FAM209A: variants seen among roughly 807,000 people sequenced by gnomAD.
FAM209A encodes the protein protein FAM209A.
In FAM209A, 4 loss-of-function variants were observed where a neutral mutation model predicts 9.8. The ratio of observed to expected loss-of-function variants is 0.41; its 90% CI spans 0.20 to 0.94. FAM209A has a LOEUF of 0.94. Ranked by LOEUF, FAM209A falls within the 40% of genes least tolerant of loss-of-function variation. The pLI is 0.32. For synonymous variants in FAM209A, 55 were observed against 77.8 expected, an observed-to-expected ratio of 0.71 and a Z score of 1.54; for missense variants, 205 against 209.4, an observed-to-expected ratio of 0.98 and a Z score of 0.13.
the FAM209A span, among the ~76,000 whole-genome samples, chr20:56,532,552 C>T: frequency 9.2e-5 from 13 of 140,618 alleles, no homozygotes; most frequent in South Asian, 1.6e-3. Context: ...GGCGTGATCT[C>T]GGCTCATCAC....
chr20:56,525,966 G>A lies in FAM209A; in HGVS notation c.412G>A (p.Ala138Thr). The change falls in exon 2 of 2, where the codon GCA becomes ACA. Residue 138 changes from alanine (A) to threonine (T), a missense_variant. Transcript: ENST00000371328. ...AGTGCGGAATCTTAAACGTGCCATG[G>A]CAACAGGTAGTGGCAGTAACCTCAG... ...SKVRNLKRAM[A>T]TGSGSNLRLR... The A allele has an allele frequency of 1.2e-6, 2 of 1,614,182 alleles. No homozygotes were observed. The highest frequency in any genetic ancestry group is 1.7e-6 in the Non-Finnish European group (2 of 1,180,040).
rs1054354 is a variant in FAM209A, at chr20:56,525,939, A to G, written c.385A>G (p.Lys129Glu). 1 of 1,614,210 alleles carries G rather than the reference A, an allele frequency of 6.2e-7. No homozygotes were observed. The highest frequency in any genetic ancestry group is 2.2e-5 in the East Asian group (1 of 44,888). ...GGTGGAGCTTATGAAATTTGTGTCC[A>G]AAGTGCGGAATCTTAAACGTGCCAT... ...LEVELMKFVS[K>E]VRNLKRAMAT... The change falls in exon 2 of 2, where the codon AAA (lysine) becomes GAA (glutamate). Residue 129 changes from lysine (K) to glutamate (E), a missense_variant. By Grantham distance (56) the Lys-to-Glu change is moderately conservative. Transcript: ENST00000371328.
downstream of FAM209A, among the ~76,000 whole-genome samples, chr20:56,528,859 C>T (rs1402504128): frequency 1.3e-5 from 2 of 152,086 alleles, no homozygotes; most frequent in South Asian, 2.1e-4. Flanking sequence ...AATTTTTGGC[C>T]CAATCACATT....
At chr20:56,525,130 T>G (rs1985465080) in intron 1 of FAM209A, 73 bp downstream of exon 1, 1 of 1,586,762 alleles carries the variant, frequency 6.3e-7, no homozygotes, top group Non-Finnish European at 8.6e-7. Context: ...GATGTTCTAG[T>G]GAGTCTAGAC....
intron 1 of FAM209A, among the ~76,000 whole-genome samples, 196 bp downstream of exon 1, chr20:56,525,253 CAA>C (rs1033502048): frequency 5.9e-5 from 9 of 152,224 alleles, no homozygotes; most frequent in Admixed American, 5.9e-4. Flanking sequence ...GATACTGGGA[CAA>C]AGAGTGGAAA....
At chr20:56,525,087 T>C in intron 1 of FAM209A, 30 bp downstream of exon 1, 1 of 1,609,328 alleles carries the variant, frequency 6.2e-7, no homozygotes, top group East Asian at 2.2e-5. Context: ...TTTTACACCA[T>C]ATTGATTCAA....
the FAM209A span, among the ~76,000 whole-genome samples, chr20:56,532,704 G>A: frequency 6.6e-6 from 1 of 151,436 alleles, no homozygotes. Flanking sequence ...GGATGGTCTC[G>A]ATCTCTTGAC....
chr20:56,529,319 C>G (rs751565484), downstream of FAM209A, among the ~76,000 whole-genome samples: 7 of 152,026 alleles, frequency 4.6e-5, no homozygotes, highest in Non-Finnish European at 7.4e-5. Flanking sequence ...GAGTTCAAGA[C>G]CACCCTGGCC....
chr20:56,532,493 T>C, the FAM209A span, among the ~76,000 whole-genome samples: 1 of 141,984 alleles, frequency 7.0e-6, no homozygotes, highest in Non-Finnish European at 1.5e-5. Context: ...TTTTTTTTTT[T>C]TTTTTTTTTG....
In FAM209A at chr20:56,525,822, C is replaced by G. The variant is rs560673730; in HGVS notation, c.268C>G (p.Leu90Val). Residue 90 changes from leucine to valine, a missense_variant, in exon 2 of 2, where the codon CTT becomes GTT. Leu to Val is a conservative substitution (Grantham distance 32). Coordinates refer to ENST00000371328, the MANE Select transcript of FAM209A (RefSeq NM_001012971.4). ...EKNKEQSPPG[L>V]RGGQLHSPLK... Reference sequence around the variant, plus strand: ...CTGACAGGAGCAGAGTCCTCCTGGCCTTCGAGGCGGCCAACTTCACTCTCC... The same window carrying G: ...CTGACAGGAGCAGAGTCCTCCTGGCGTTCGAGGCGGCCAACTTCACTCTCC... 4 of 1,614,052 alleles carry G rather than the reference C, an allele frequency of 2.5e-6. No individual in the cohort carries two copies. The highest frequency in any genetic ancestry group is 4.5e-5 in the East Asian group (2 of 44,882).
rs763636389 is a variant in FAM209A at position 56,525,812 on chromosome 20, T to TC, written c.260dup (p.Pro88SerfsTer47). On this transcript the variant is annotated frameshift_variant, in exon 2 of 2. Transcript: ENST00000371328. LOFTEE classifies it low-confidence loss of function (END_TRUNC). Reference sequence around the variant, plus strand: ...AGTATCTTTCCTGACAGGAGCAGAGTCCTCCTGGCCTTCGAGGCGGCCAAC... The same window carrying TC: ...AGTATCTTTCCTGACAGGAGCAGAGTCCCTCCTGGCCTTCGAGGCGGCCAAC... The TC allele has an allele frequency of 1.9e-6, 3 of 1,613,564 alleles. No homozygotes were observed. Among genetic ancestry groups the TC allele is most frequent in the Middle Eastern group, 1.6e-4 (1 of 6,084 alleles).
chr20:56,532,416 T>A, the FAM209A span, among the ~76,000 whole-genome samples: 1 of 152,138 alleles, frequency 6.6e-6, no homozygotes, highest in East Asian at 1.9e-4. Context: ...AGACTGGTTC[T>A]ATGACAGTGT....
At chr20:56,533,502 G>A in the FAM209A span, 1 of 1,614,068 alleles carries the variant, frequency 6.2e-7, no homozygotes, top group Non-Finnish European at 8.5e-7. Context: ...CACACCCAAG[G>A]CTGGCTTGGG....
chr20:56,533,117 C>G, the FAM209A span: 1 of 1,412,244 alleles, frequency 7.1e-7, no homozygotes. Context: ...CCTATCCTCT[C>G]TCTCTGACTG....
chr20:56,531,661 T>C, the FAM209A span, among the ~76,000 whole-genome samples: 2 of 151,874 alleles, frequency 1.3e-5, no homozygotes, highest in Admixed American at 6.6e-5. Context: ...AGTCTCACTC[T>C]GTCACCCAGG....
At chr20:56,531,343 G>T in the FAM209A span, among the ~76,000 whole-genome samples, 1 of 146,968 alleles carries the variant, frequency 6.8e-6, no homozygotes, top group South Asian at 2.1e-4. Flanking sequence ...TTGTTGCCCA[G>T]GCTGGAGTGC....
downstream of FAM209A, among the ~76,000 whole-genome samples, chr20:56,528,626 G>A (rs1433628296): frequency 1.3e-5 from 2 of 151,870 alleles, no homozygotes; most frequent in East Asian, 3.9e-4. Flanking sequence ...GGGTGCTTTA[G>A]TCCTTAGGAG....
chr20:56,527,777 A>AC (rs2146397854), downstream of FAM209A, among the ~76,000 whole-genome samples: 1 of 152,290 alleles, frequency 6.6e-6, no homozygotes, highest in Non-Finnish European at 1.5e-5. Flanking sequence ...AAGGGTCCCA[A>AC]CCCCGGGCCC....
chr20:56,525,976 G>GGCTTCGAAACA lies in FAM209A; in HGVS notation c.422_423insGCTTCGAAACA (p.Ser141ArgfsTer49). The GGCTTCGAAACA allele has an allele frequency of 6.2e-7, 1 of 1,614,224 alleles. No homozygotes were observed. On this transcript the variant is annotated frameshift_variant, in exon 2 of 2. Coordinates refer to ENST00000371328, the MANE Select transcript of FAM209A (RefSeq NM_001012971.4). LOFTEE classifies it low-confidence loss of function (END_TRUNC). The stretch of plus-strand genomic sequence containing the variant: ...CTTAAACGTGCCATGGCAACAGGTA[G>GGCTTCGAAACA]TGGCAGTAACCTCAGGCTTCGAAAG...
Sources: gnomAD v4.1 joint callset for allele counts (sites outside exome capture counted in the v4.1 genomes callset) on GRCh38, gnomAD v4.1.1 for gene constraint, MANE v1.5 for transcripts, NCBI Gene and HGNC (gene_info 2026-07-23, HGNC 2026-07-21) for gene names.